Variants in SLC24A4 observed in about 807,000 individuals in gnomAD.
SLC24A4 encodes solute carrier family 24 member 4.
In SLC24A4, 53 loss-of-function variants were observed where a neutral mutation model predicts 79.0. The observed-to-expected ratio is 0.67, with a 90% CI of 0.54 to 0.84. The LOEUF is 0.84. SLC24A4 is among the 40% of genes least tolerant of loss of function. The pLI is 0.00. For missense variants in SLC24A4, 731 were observed against 822.0 expected, an observed-to-expected ratio of 0.89 and a Z score of 1.35; for synonymous variants, 323 against 323.8, an observed-to-expected ratio of 1.00 and a Z score of 0.03.
At chr14:92,472,053 T>C (rs1219848557) in intron 12 of SLC24A4, among the ~76,000 whole-genome samples, 1 of 152,166 alleles carries the variant, frequency 6.6e-6, no homozygotes, top group Non-Finnish European at 1.5e-5. Context: ...TTCTCATAGA[T>C]AGCAAACAGC....
chr14:92,367,208 A>C (rs780916618), intron 2 of SLC24A4, among the ~76,000 whole-genome samples: 9 of 152,332 alleles, frequency 5.9e-5, no homozygotes, highest in Non-Finnish European at 1.0e-4. Context: ...AGTGTGTCCA[A>C]CATGCCGGCC....
intron 12 of SLC24A4, among the ~76,000 whole-genome samples, chr14:92,473,855 A>T (rs938900453): frequency 6.6e-6 from 1 of 152,218 alleles, no homozygotes; most frequent in Non-Finnish European, 1.5e-5. Flanking sequence ...GATTAGAACT[A>T]TCCTTGGGCT....
chr14:92,325,855 T>G lies in SLC24A4; in HGVS notation c.131-13T>G, dbSNP rs778925569. 6.4e-7 allele frequency: 1 copy of G among 1,568,606 alleles called. No homozygotes were observed. The highest frequency in any genetic ancestry group is 8.7e-7 in the Non-Finnish European group (1 of 1,144,186). On this transcript the variant is annotated splice_polypyrimidine_tract_variant and intron_variant, in intron 1 of 16. Coordinates refer to ENST00000532405, the MANE Select transcript of SLC24A4 (RefSeq NM_153646.4). ...CTGACCTAATGGTATCTGTGACTTA[T>G]TTTCCAATCCAGGGCACAAAACAGC...
intron 2 of SLC24A4, among the ~76,000 whole-genome samples, chr14:92,356,423 A>G (rs7159028): frequency 0.87 from 132,993 of 152,182 alleles, 58,551 homozygotes; most frequent in East Asian, 0.98. Flanking sequence ...GCGTGCCACC[A>G]TGAGGACTGT....
chr14:92,472,447 T>G (rs769981718), intron 12 of SLC24A4, among the ~76,000 whole-genome samples: 56 of 152,304 alleles, frequency 3.7e-4, no homozygotes, highest in Non-Finnish European at 7.2e-4. Context: ...ATCATTCTTA[T>G]GCCTTTGGAT....
chr14:92,425,829 A>G (rs1396187476), intron 2 of SLC24A4, among the ~76,000 whole-genome samples: 3 of 152,164 alleles, frequency 2.0e-5, no homozygotes, highest in African/African-American at 2.4e-5. Context: ...AAAAAATACA[A>G]TAATTAGCTG....
intron 2 of SLC24A4, among the ~76,000 whole-genome samples, chr14:92,386,296 T>G (rs1346600514): frequency 1.3e-5 from 2 of 152,098 alleles, no homozygotes; most frequent in Non-Finnish European, 2.9e-5. Context: ...CCTGCAACCC[T>G]GAGCAAGTCA....
chr14:92,361,539 C>G (rs541268471), intron 2 of SLC24A4, among the ~76,000 whole-genome samples: 2 of 152,164 alleles, frequency 1.3e-5, no homozygotes, highest in South Asian at 4.2e-4. Context: ...CAAGGACAGC[C>G]TGACTAGATT....
At chr14:92,421,897 G>A (rs1891303134) in intron 2 of SLC24A4, among the ~76,000 whole-genome samples, 1 of 152,108 alleles carries the variant, frequency 6.6e-6, no homozygotes, top group Admixed American at 6.5e-5. Context: ...ATTTGGAAAG[G>A]GGCCCTGGAA....
intron 2 of SLC24A4, among the ~76,000 whole-genome samples, chr14:92,422,985 A>AT (rs61470855): frequency 0.02 from 3,031 of 151,996 alleles, 95 homozygotes; most frequent in African/African-American, 0.069. Context: ...TAATTTTTGT[A>AT]TTTTTTTAAG....
intron 2 of SLC24A4, among the ~76,000 whole-genome samples, chr14:92,376,433 A>G (rs1408683689): frequency 6.6e-6 from 1 of 152,252 alleles, no homozygotes; most frequent in Non-Finnish European, 1.5e-5. Flanking sequence ...AAGCCCACGC[A>G]TGTTCCCAGG....
chr14:92,456,760 C>T (rs1893497203), intron 12 of SLC24A4, 152 bp downstream of exon 12: 5 of 805,424 alleles, frequency 6.2e-6, no homozygotes, highest in Non-Finnish European at 7.8e-6. Flanking sequence ...GCTTAGGAGG[C>T]GAATCTGTCC....
intron 2 of SLC24A4, among the ~76,000 whole-genome samples, chr14:92,327,211 C>G (rs1371135030): frequency 6.6e-6 from 1 of 152,232 alleles, no homozygotes; most frequent in Non-Finnish European, 1.5e-5. Flanking sequence ...ATGCTATCAG[C>G]TTCCCTGCCC....
intron 2 of SLC24A4, among the ~76,000 whole-genome samples, chr14:92,402,411 T>C (rs1890162113): frequency 6.6e-6 from 1 of 152,190 alleles, no homozygotes; most frequent in African/African-American, 2.4e-5. Context: ...TCAAGTGACC[T>C]AGAGTGGTCC....
At chr14:92,429,074 C>G (rs1891720987) in intron 2 of SLC24A4, among the ~76,000 whole-genome samples, 1 of 152,060 alleles carries the variant, frequency 6.6e-6, no homozygotes, top group Admixed American at 6.5e-5. Context: ...AGAGGCTGTC[C>G]TGGCAATCGT....
At position 92,328,660 on chromosome 14, in the gene SLC24A4, A is replaced by T. The variant is rs1885290312; in HGVS notation, c.241+2682A>T. Among the ~76,000 whole-genome samples, 3 of 152,268 alleles carry T rather than the reference A, an allele frequency of 2.0e-5. No homozygotes were observed. In the South Asian group the frequency reaches 6.2e-4, roughly 31 times the overall value. On this transcript the variant is annotated intron_variant, in intron 2 of 16. Transcript: ENST00000532405. ...CGGGAAGGTGGTTACCACCGGCCCA[A>T]CCTTATGTCCTCCCAGACTCAAATA...
intron 12 of SLC24A4, among the ~76,000 whole-genome samples, chr14:92,459,516 T>C (rs1253860211): frequency 6.6e-6 from 1 of 152,160 alleles, no homozygotes; most frequent in Admixed American, 6.5e-5. Context: ...GCTGTTCCCC[T>C]GGGCTCAGTG....
At chr14:92,406,274 C>T (rs973317127) in intron 2 of SLC24A4, among the ~76,000 whole-genome samples, 7 of 152,240 alleles carry the variant, frequency 4.6e-5, no homozygotes, top group African/African-American at 1.7e-4. Context: ...GGTACAGCCC[C>T]TGTGGCAGTT....
chr14:92,483,733 A>T, intron 13 of SLC24A4: 1 of 1,289,756 alleles, frequency 7.8e-7, no homozygotes, highest in Non-Finnish European at 1.0e-6. Flanking sequence ...CCCAGGAGCA[A>T]AGAGAGGGGA....
Sources: allele counts gnomAD v4.1 joint callset (sites outside exome capture counted in the v4.1 genomes callset), GRCh38; gene constraint gnomAD v4.1.1; transcripts MANE v1.5; gene names NCBI Gene and HGNC (gene_info 2026-07-23, HGNC 2026-07-21).